The following SCML2 variants were observed in gnomAD, a reference collection of about 807,000 sequenced individuals.
SCML2 encodes the protein sex comb on midleg-like protein 2.
Under a neutral mutation model 48.4 loss-of-function variants are expected in SCML2, and 6 were observed. The observed-to-expected ratio is 0.12, with a 90% CI of 0.07 to 0.24. The LOEUF (loss-of-function observed/expected upper bound fraction) is 0.24, where lower values mean the gene tolerates loss of function less well. Ranked by LOEUF, SCML2 falls within the 10% of genes least tolerant of loss-of-function variation. SCML2 has a pLI of 1.00. For missense variants in SCML2, 377 were observed against 528.2 expected (o/e 0.71, Z 2.81); for synonymous variants, 181 against 189.5 (o/e 0.95, Z 0.37).
At chrX:18,277,397 T>C (rs761508540) in intron 7 of SCML2, among the ~76,000 whole-genome samples, 1 of 112,349 alleles carries the variant, frequency 8.9e-6, no homozygotes, top group South Asian at 3.7e-4. Flanking sequence ...AAACCTCAAA[T>C]GTGCCATAGA....
chrX:18,318,126 A>G (rs1405036922), intron 6 of SCML2, among the ~76,000 whole-genome samples: 3 of 112,925 alleles, frequency 2.7e-5, no homozygotes, highest in African/African-American at 9.6e-5. Flanking sequence ...TAGGTGTTCA[A>G]TAAATAAAGA....
chrX:18,317,110 G>A (rs952752392), intron 6 of SCML2, among the ~76,000 whole-genome samples: 5 of 111,607 alleles, frequency 4.5e-5, no homozygotes, highest in African/African-American at 1.6e-4. Context: ...TTTTCAGGCA[G>A]GGTCTCCCTG....
In SCML2 at chrX:18,240,809, G is replaced by A. The variant is rs1191994251; in HGVS notation, c.*442C>T. On this transcript the variant is annotated 3_prime_UTR_variant, in exon 15 of 15. Coordinates refer to ENST00000251900, the MANE Select transcript of SCML2 (RefSeq NM_006089.3). ...GTGCACCTTTAAATTCTCTAGTGAGGAAAAATTCTCATGGATTTAATTATA... is the reference window on the plus strand; with the variant it reads ...GTGCACCTTTAAATTCTCTAGTGAGAAAAAATTCTCATGGATTTAATTATA... 8.8e-6 allele frequency: 1 copy of A among 113,094 alleles called. No individual in the cohort carries two copies. The highest frequency in any genetic ancestry group is 1.9e-5 in the Non-Finnish European group (1 of 53,668). The allele number at this position is 113,094 out of a possible 1,213,427, so 9.3% of individuals were successfully genotyped here.
intron 6 of SCML2, among the ~76,000 whole-genome samples, chrX:18,317,828 C>A (rs1280591407): frequency 1.3e-5 from 1 of 78,243 alleles, no homozygotes; most frequent in East Asian, 4.0e-4. Context: ...AGCGAGACTC[C>A]GTCTCAAAAA....
chrX:18,261,749 C>G (rs1260882756), intron 8 of SCML2, among the ~76,000 whole-genome samples: 1 of 109,315 alleles, frequency 9.1e-6, no homozygotes, highest in Non-Finnish European at 1.9e-5. Context: ...ACCATTATAC[C>G]AACTAATCAC....
intron 7 of SCML2, among the ~76,000 whole-genome samples, chrX:18,297,004 A>G (rs1212584258): frequency 1.8e-5 from 2 of 111,678 alleles, no homozygotes; most frequent in Non-Finnish European, 3.8e-5. Flanking sequence ...AATCCTCAAC[A>G]AAACACTAGT....
intron 1 of SCML2, among the ~76,000 whole-genome samples, chrX:18,344,907 T>G (rs1930150647): frequency 9.0e-6 from 1 of 110,975 alleles, no homozygotes; most frequent in South Asian, 3.8e-4. Flanking sequence ...ATGATAATGG[T>G]GTTGGCAGTG....
At chrX:18,332,428 A>G (rs1332347723) in intron 2 of SCML2, among the ~76,000 whole-genome samples, 1 of 112,352 alleles carries the variant, frequency 8.9e-6, no homozygotes, top group Non-Finnish European at 1.9e-5. Flanking sequence ...GAATGATGCC[A>G]TTCAACGTAA....
intron 3 of SCML2, among the ~76,000 whole-genome samples, chrX:18,329,384 T>C (rs950616990): frequency 9.0e-6 from 1 of 111,499 alleles, no homozygotes; most frequent in African/African-American, 3.3e-5. Context: ...ATTACCTCTA[T>C]AGGCAATCTT....
chrX:18,257,623 C>T (rs1196927167), intron 10 of SCML2, among the ~76,000 whole-genome samples: 1 of 110,182 alleles, frequency 9.1e-6, no homozygotes, highest in Non-Finnish European at 1.9e-5. Flanking sequence ...TGCGGTGGCT[C>T]ACACCTGTAA....
At chrX:18,311,910 C>T (rs945850761) in intron 6 of SCML2, among the ~76,000 whole-genome samples, 1 of 111,520 alleles carries the variant, frequency 9.0e-6, no homozygotes, top group Non-Finnish European at 1.9e-5. Flanking sequence ...CCTGTTTCAG[C>T]CACCCGAGTA....
chrX:18,312,089 G>C (rs987444310), intron 6 of SCML2, among the ~76,000 whole-genome samples: 1 of 111,969 alleles, frequency 8.9e-6, no homozygotes, highest in African/African-American at 3.2e-5. Context: ...ACCATGCCCG[G>C]CTGTGATTTA....
chrX:18,347,167 G>A (rs761296601), intron 1 of SCML2, among the ~76,000 whole-genome samples: 4 of 111,827 alleles, frequency 3.6e-5, no homozygotes, highest in Non-Finnish European at 7.5e-5. Flanking sequence ...AGAACAAGCC[G>A]GGTGCGGTGG....
intron 7 of SCML2, among the ~76,000 whole-genome samples, chrX:18,285,607 C>T (rs1928024796): frequency 1.8e-5 from 2 of 110,663 alleles, no homozygotes; most frequent in South Asian, 7.8e-4. Context: ...ATGCTCACTA[C>T]CTGGATGCAA....
chrX:18,314,175 A>T (rs1929044673), intron 6 of SCML2, among the ~76,000 whole-genome samples: 1 of 111,904 alleles, frequency 8.9e-6, no homozygotes, highest in Non-Finnish European at 1.9e-5. Context: ...TTCCTTAAGT[A>T]CATGATATGG....
intron 11 of SCML2, among the ~76,000 whole-genome samples, chrX:18,252,146 C>T (rs984091447): frequency 7.1e-5 from 8 of 111,919 alleles, no homozygotes; most frequent in Admixed American, 3.8e-4. Flanking sequence ...TGGTGGTGTG[C>T]ACCTGTAGTC....
intron 6 of SCML2, among the ~76,000 whole-genome samples, chrX:18,308,588 C>T (rs750574983): frequency 7.2e-5 from 8 of 110,788 alleles, no homozygotes. Flanking sequence ...CAATGAGATG[C>T]CATCTCACCC....
At position 18,323,904 on chromosome X, in the gene SCML2, C is replaced by G. The variant is rs1229844413; in HGVS notation, c.352G>C (p.Val118Leu). The G allele has an allele frequency of 8.3e-7, 1 of 1,211,133 alleles. No homozygotes were observed. Among genetic ancestry groups the G allele is most frequent in the Admixed American group, 2.2e-5 (1 of 46,052 alleles). The change falls in exon 5 of 15, where the codon GTT (valine) becomes CTT (leucine). Residue 118 changes from valine to leucine, a missense_variant. Around this residue, in one of 3 missense-constraint regions of SCML2, gnomAD observed 17 missense variants for 42.8 expected, o/e 0.40. Coordinates refer to ENST00000251900, the MANE Select transcript of SCML2 (RefSeq NM_006089.3). Reference protein sequence around the residue: ...RLVDSPDIQPVGTCEKEGDLL... With the variant: ...RLVDSPDIQPLGTCEKEGDLL... ...TCTCCTTCCTTTTCACATGTCCCAA[C>G]AGGTTGTATGTCTGGGGAATCGACA... is the stretch of plus-strand genomic sequence containing the variant.
intron 7 of SCML2, among the ~76,000 whole-genome samples, chrX:18,300,493 TA>T (rs1019004304): frequency 3.7e-4 from 36 of 97,239 alleles, no homozygotes; most frequent in South Asian, 4.6e-4. Flanking sequence ...ACGTTAAGGT[TA>T]AAAAAAAAAA....
Sources: gnomAD v4.1 joint callset for allele counts (sites outside exome capture counted in the v4.1 genomes callset) on GRCh38, gnomAD v4.1.1 for gene constraint, gnomAD v4.1.1 regional missense constraint, MANE v1.5 for transcripts, NCBI Gene and HGNC (gene_info 2026-07-23, HGNC 2026-07-21) for gene names.